AFAP1L2: variants seen among roughly 807,000 people sequenced by gnomAD.
AFAP1L2 encodes actin filament-associated protein 1-like 2.
AFAP1L2 carries 46 observed loss-of-function variants against 99.3 expected under a neutral mutation model. That is an observed-to-expected ratio of 0.46 (90% confidence interval 0.37 to 0.59). The LOEUF (loss-of-function observed/expected upper bound fraction) is 0.59. Among genes scored for constraint, AFAP1L2 ranks in the 20% least tolerant of loss-of-function variants. The pLI is 0.00. For missense variants in AFAP1L2, 959 were observed against 1,034.9 expected, an observed-to-expected ratio of 0.93 and a Z score of 1.01; for synonymous variants, 397 against 419.1, an observed-to-expected ratio of 0.95 and a Z score of 0.64.
chr10:114,306,290 C>T (rs1325643287), intron 10 of AFAP1L2, among the ~76,000 whole-genome samples: 3 of 103,128 alleles, frequency 2.9e-5, no homozygotes, highest in Admixed American at 1.1e-4. Context: ...CAGGAGGCGT[C>T]GGGGCTGCAG....
rs1045826318 is a variant in AFAP1L2, at chr10:114,308,464, A to G, written c.936T>C (p.Asp312=). 1 of 1,614,128 alleles carries G rather than the reference A, an allele frequency of 6.2e-7. No individual in the cohort carries two copies. The highest frequency in any genetic ancestry group is 1.3e-5 in the African/African-American group (1 of 74,944). ...TGGTTTCTGGGACCTCAGGGTGGCCATCCACGGAGCTCCCATACTCTGAAG... is the reference window on the plus strand; with the variant it reads ...TGGTTTCTGGGACCTCAGGGTGGCCGTCCACGGAGCTCCCATACTCTGAAG... ...LSASEYGSSV[D]GHPEVPETKD... The change falls in exon 9 of 19, where the codon GAT becomes GAC. Residue 312 remains aspartate (D), a synonymous_variant. Transcript: ENST00000304129.
intron 10 of AFAP1L2, among the ~76,000 whole-genome samples, chr10:114,306,872 A>G (rs561990505): frequency 2.0e-5 from 3 of 152,152 alleles, no homozygotes; most frequent in Non-Finnish European, 2.9e-5. Flanking sequence ...ATGCCCCCTG[A>G]GGCCACTGCC....
intron 4 of AFAP1L2, among the ~76,000 whole-genome samples, chr10:114,329,239 A>C (rs2046884039): frequency 6.6e-6 from 1 of 151,998 alleles, no homozygotes; most frequent in Non-Finnish European, 1.5e-5. Context: ...CCCTCCCCAC[A>C]CTCAGTGTCT....
chr10:114,295,143 A>ACAT lies in AFAP1L2; in HGVS notation c.*896_*898dup, dbSNP rs1394693416. The ACAT allele has an allele frequency of 2.0e-6, 2 of 985,848 alleles. No homozygotes were observed. The highest frequency in any genetic ancestry group is 1.2e-6 in the Non-Finnish European group (1 of 829,920). 61.1% of individuals were successfully genotyped at this position (985,848 alleles called of 1,614,324 possible). ...CACTTTGTTCTTGGAAGGAGAATGAACATTAAACAGAACTTAAAATCAGAG... is the reference window on the plus strand; with the variant it reads ...CACTTTGTTCTTGGAAGGAGAATGAACATCATTAAACAGAACTTAAAATCAGAG... On this transcript the variant is annotated 3_prime_UTR_variant, in exon 19 of 19. Coordinates refer to ENST00000304129, the MANE Select transcript of AFAP1L2 (RefSeq NM_001001936.3).
At chr10:114,296,183 G>A in intron 18 of AFAP1L2, 115 bp from the exon 19 acceptor site, 1 of 1,428,102 alleles carries the variant, frequency 7.0e-7, no homozygotes, top group Non-Finnish European at 9.8e-7. Flanking sequence ...TTTAGGCACA[G>A]AGGTGATAAA....
intron 5 of AFAP1L2, among the ~76,000 whole-genome samples, chr10:114,316,173 G>C (rs2044106177): frequency 6.6e-6 from 1 of 152,194 alleles, no homozygotes; most frequent in East Asian, 1.9e-4. Context: ...GTGGGATGTT[G>C]CCAGGTTCTC....
intron 16 of AFAP1L2, 105 bp downstream of exon 16, chr10:114,299,155 G>T: frequency 7.2e-7 from 1 of 1,392,112 alleles, no homozygotes. Context: ...AGGGGCCAGG[G>T]CCCACTGATT....
chr10:114,404,434 C>A lies in AFAP1L2; in HGVS notation c.16+6G>T, dbSNP rs888900289. ...TGTGCGCCGCGCGAGGAACCCGCGC[C>A]CTCACCTTTGTACCGCTCCATCGGG... On this transcript the variant is annotated splice_donor_region_variant and intron_variant, in intron 1 of 18. Transcript: ENST00000304129. 56 of 1,543,434 alleles carry A rather than the reference C, an allele frequency of 3.6e-5. No homozygotes were observed. The highest frequency in any genetic ancestry group is 4.8e-5 in the Non-Finnish European group (55 of 1,146,414).
chr10:114,283,170 A>G, the AFAP1L2 span, among the ~76,000 whole-genome samples: 2 of 152,270 alleles, frequency 1.3e-5, no homozygotes, highest in African/African-American at 4.8e-5. Flanking sequence ...TTGCCCTTCA[A>G]TGTGTAGGTG....
chr10:114,373,513 T>C (rs555542887), intron 1 of AFAP1L2, among the ~76,000 whole-genome samples: 1 of 152,136 alleles, frequency 6.6e-6, no homozygotes, highest in East Asian at 1.9e-4. Flanking sequence ...TAATCCCAGC[T>C]ACTTGGGAAC....
chr10:114,313,820 TG>T (rs777044509), intron 7 of AFAP1L2, 50 bp downstream of exon 7: 101 of 1,525,450 alleles, frequency 6.6e-5, no homozygotes, highest in Non-Finnish European at 8.4e-5. Flanking sequence ...TTAGAAAAGC[TG>T]GGGGCCACAA....
At chr10:114,382,784 G>A (rs2055868191) in intron 1 of AFAP1L2, among the ~76,000 whole-genome samples, 1 of 151,762 alleles carries the variant, frequency 6.6e-6, no homozygotes, top group Non-Finnish European at 1.5e-5. Context: ...TAGTAGAGAT[G>A]GGGTTTCTCC....
At chr10:114,360,468 C>A (rs1268633745) in intron 1 of AFAP1L2, among the ~76,000 whole-genome samples, 2 of 133,696 alleles carry the variant, frequency 1.5e-5, no homozygotes, top group Admixed American at 1.5e-4. Flanking sequence ...TAGATAGATA[C>A]CTCGATATCT....
At chr10:114,392,712 T>C (rs1010142767) in intron 1 of AFAP1L2, among the ~76,000 whole-genome samples, 2 of 152,240 alleles carry the variant, frequency 1.3e-5, no homozygotes, top group African/African-American at 4.8e-5. Context: ...GGGAGAATAT[T>C]TGCTGCAAGC....
chr10:114,374,852 T>C (rs922281641), intron 1 of AFAP1L2, among the ~76,000 whole-genome samples: 1 of 41,012 alleles, frequency 2.4e-5, no homozygotes, highest in Non-Finnish European at 4.9e-5. Flanking sequence ...AGGGAGGGGG[T>C]GGGGGTGGGC....
chr10:114,310,831 A>G (rs1466087616), intron 7 of AFAP1L2, among the ~76,000 whole-genome samples: 1 of 152,132 alleles, frequency 6.6e-6, no homozygotes, highest in Non-Finnish European at 1.5e-5. Flanking sequence ...CTGCCTTGCT[A>G]GACAGTCCTC....
chr10:114,296,951 C>T (rs2040331616), intron 18 of AFAP1L2, 27 bp downstream of exon 18: 2 of 1,613,938 alleles, frequency 1.2e-6, no homozygotes, highest in African/African-American at 1.3e-5. Flanking sequence ...CTGCTGGCCC[C>T]AAGGGAGGCT....
In AFAP1L2 at chr10:114,297,397, C is replaced by G; in HGVS notation, c.2130G>C (p.Ala710=). The G allele has an allele frequency of 6.2e-7, 1 of 1,613,084 alleles. No homozygotes were observed. The change falls in exon 17 of 19, where the codon GCG becomes GCC. Residue 710 remains alanine, a synonymous_variant. Coordinates refer to ENST00000304129, the MANE Select transcript of AFAP1L2 (RefSeq NM_001001936.3). ...LLKCTDKEVL[A]SLEQKLKEID... ...TTTCCTTCAGCTTCTGCTCCAGGCT[C>G]GCCAGGACTTCCTTGTCTGGAGAGA...
intron 1 of AFAP1L2, among the ~76,000 whole-genome samples, chr10:114,369,318 G>A (rs1014252396): frequency 2.0e-5 from 3 of 152,200 alleles, no homozygotes; most frequent in Middle Eastern, 3.4e-3. Context: ...CAAACAGGCC[G>A]GGCACAGTGG....
Sources: gnomAD v4.1 joint callset for allele counts (sites outside exome capture counted in the v4.1 genomes callset) on GRCh38, gnomAD v4.1.1 for gene constraint, MANE v1.5 for transcripts, NCBI Gene and HGNC (gene_info 2026-07-23, HGNC 2026-07-21) for gene names.